The following GNB5 variants were observed in gnomAD, a reference collection of about 807,000 sequenced individuals.
GNB5 encodes guanine nucleotide-binding protein subunit beta-5.
GNB5 carries 37 observed loss-of-function variants against 55.3 expected under a neutral mutation model. The observed-to-expected ratio is 0.67, with a 90% CI of 0.51 to 0.88. GNB5 has a LOEUF of 0.88. Ranked by LOEUF, GNB5 falls within the 40% of genes least tolerant of loss-of-function variation. GNB5 has a pLI of 0.00. For missense variants in GNB5, 476 were observed against 515.3 expected (o/e 0.92, Z 0.74); for synonymous variants, 219 against 198.5 (o/e 1.10, Z -0.87).
chr15:52,131,109 A>G (rs2031839484), intron 9 of GNB5, among the ~76,000 whole-genome samples: 1 of 152,238 alleles, frequency 6.6e-6, no homozygotes, highest in Non-Finnish European at 1.5e-5. Context: ...TACAGGCGTG[A>G]GCCACGGTGC....
chr15:52,178,217 C>T (rs970657366), intron 3 of GNB5, among the ~76,000 whole-genome samples: 1 of 152,226 alleles, frequency 6.6e-6, no homozygotes, highest in African/African-American at 2.4e-5. Context: ...CAACACTTAG[C>T]AGGGGACCTT....
intron 5 of GNB5, chr15:52,149,178 A>G (rs1287561702): frequency 6.6e-6 from 1 of 152,392 alleles, no homozygotes; most frequent in East Asian, 1.9e-4. Context: ...AACACATTCA[A>G]CAATGCAGAA....
intron 9 of GNB5, among the ~76,000 whole-genome samples, chr15:52,131,001 T>C (rs1052242362): frequency 2.6e-5 from 4 of 152,204 alleles, no homozygotes; most frequent in Admixed American, 6.5e-5. Context: ...AATTTTTGTA[T>C]TTTTGGTAGA....
intron 3 of GNB5, among the ~76,000 whole-genome samples, chr15:52,160,793 G>A (rs1401253555): frequency 6.6e-6 from 1 of 152,084 alleles, no homozygotes; most frequent in Non-Finnish European, 1.5e-5. Context: ...ACAGGTGTGA[G>A]CTGCCACACC....
chr15:52,159,945 T>G (rs2034295870), intron 3 of GNB5, among the ~76,000 whole-genome samples: 1 of 151,152 alleles, frequency 6.6e-6, no homozygotes, highest in African/African-American at 2.4e-5. Flanking sequence ...GGTGGGAAAT[T>G]AGCTTCTTTT....
At chr15:52,184,530 T>G in intron 2 of GNB5, 21 bp downstream of exon 2, 1 of 1,597,464 alleles carries the variant, frequency 6.3e-7, no homozygotes, top group Non-Finnish European at 8.6e-7. Context: ...GATAACTGAA[T>G]TTTTTTTAAG....
At chr15:52,182,289 C>G (rs1220773551) in intron 2 of GNB5, among the ~76,000 whole-genome samples, 1 of 152,212 alleles carries the variant, frequency 6.6e-6, no homozygotes, top group Non-Finnish European at 1.5e-5. Flanking sequence ...CAAGGGCCAT[C>G]TCAGGGGGCC....
chr15:52,139,533 G>T (rs1020516141), intron 7 of GNB5: 1 of 205,502 alleles, frequency 4.9e-6, no homozygotes, highest in African/African-American at 2.3e-5. Flanking sequence ...CTATGTACAT[G>T]AATCATCTAA....
chr15:52,184,800 T>A, intron 1 of GNB5, 106 bp from the exon 2 acceptor site: 2 of 815,872 alleles, frequency 2.5e-6, no homozygotes, highest in Non-Finnish European at 3.9e-6. Flanking sequence ...GACGTCTACA[T>A]GTGGGATAGA....
At chr15:52,154,392 A>G (rs1159763186) in intron 3 of GNB5, among the ~76,000 whole-genome samples, 3 of 152,222 alleles carry the variant, frequency 2.0e-5, no homozygotes, top group Non-Finnish European at 4.4e-5. Flanking sequence ...ACTACATAAA[A>G]TTATTCCCTT....
chr15:52,179,650 G>T, intron 3 of GNB5, 118 bp downstream of exon 3: 1 of 472,578 alleles, frequency 2.1e-6, no homozygotes. Context: ...GCTCCCGGGC[G>T]GTGGCGCGGG....
chr15:52,160,522 G>A (rs1275795272), intron 3 of GNB5, among the ~76,000 whole-genome samples: 1 of 152,208 alleles, frequency 6.6e-6, no homozygotes, highest in Non-Finnish European at 1.5e-5. Flanking sequence ...CAGAGAAGGG[G>A]TGAATGAAAA....
intron 5 of GNB5, among the ~76,000 whole-genome samples, chr15:52,148,995 C>CT (rs2034035694): frequency 6.6e-6 from 1 of 152,220 alleles, no homozygotes; most frequent in Non-Finnish European, 1.5e-5. Context: ...CCAGAAGGTG[C>CT]TGAGAGAGAT....
intron 3 of GNB5, among the ~76,000 whole-genome samples, chr15:52,156,141 CTTACT>C (rs1301367111): frequency 2.0e-5 from 3 of 152,124 alleles, no homozygotes; most frequent in Non-Finnish European, 4.4e-5. Context: ...CTCATGGGTT[CTTACT>C]TTATTCAAGA....
intron 1 of GNB5, among the ~76,000 whole-genome samples, chr15:52,185,428 G>C (rs937569584): frequency 6.6e-6 from 1 of 152,226 alleles, no homozygotes; most frequent in African/African-American, 2.4e-5. Context: ...GAGTCAGTGC[G>C]TAAAGCACTT....
chr15:52,118,307 G>A lies in GNB5; in HGVS notation c.*4450C>T, dbSNP rs1193264111. ...ATCCAGGGCCCCCGAGGGTCCCTGA[G>A]ACCCTTTCAGGGGGTCCTCACGGTC... On this transcript the variant is annotated 3_prime_UTR_variant, in exon 13 of 13. Coordinates refer to ENST00000261837, the MANE Select transcript of GNB5 (RefSeq NM_016194.4). 2 of 152,110 alleles carry A rather than the reference G, an allele frequency of 1.3e-5. No homozygotes were observed. The highest frequency in any genetic ancestry group is 2.9e-5 in the Non-Finnish European group (2 of 68,032). 9.4% of individuals were successfully genotyped at this position (152,110 alleles called of 1,614,324 possible).
At chr15:52,133,243 A>G (rs1232898287) in intron 9 of GNB5, 135 bp downstream of exon 9, 3 of 619,134 alleles carry the variant, frequency 4.8e-6, no homozygotes, top group African/African-American at 1.8e-5. Flanking sequence ...GTTCCACCAC[A>G]ATCAGCCTTT....
rs1402822286 is a variant in GNB5 at position 52,179,932 on chromosome 15, C to T, written c.127-53G>A. On this transcript the variant is annotated intron_variant, in intron 2 of 12. Transcript: ENST00000261837. The stretch of plus-strand genomic sequence containing the variant: ...AAGCGGAGAGCGGGAATGCGCTGAG[C>T]CGCGGCGGGCGCCGCTCCAGCAGCC... The T allele has an allele frequency of 2.8e-6, 4 of 1,445,734 alleles. No individual in the cohort carries two copies. In the African/African-American group the frequency reaches 4.5e-5, roughly 16 times the overall value. 89.6% of individuals were successfully genotyped at this position (1,445,734 alleles called of 1,614,324 possible). A position where few individuals can be genotyped will look rare whatever the true frequency, so the allele number is the denominator to read the frequency against.
At chr15:52,148,419 C>T (rs1053725082) in intron 5 of GNB5, among the ~76,000 whole-genome samples, 1 of 152,082 alleles carries the variant, frequency 6.6e-6, no homozygotes, top group South Asian at 2.1e-4. Context: ...CAGTCCCTGG[C>T]TTCTGGCTTC....
Sources: allele counts gnomAD v4.1 joint callset (sites outside exome capture counted in the v4.1 genomes callset), GRCh38; gene constraint gnomAD v4.1.1; transcripts MANE v1.5; gene names NCBI Gene and HGNC (gene_info 2026-07-23, HGNC 2026-07-21).